PRDM12: variants seen among roughly 807,000 people sequenced by gnomAD.
PRDM12 encodes PR domain zinc finger protein 12.
A neutral mutation model predicts 29.6 loss-of-function variants in PRDM12; 17 were observed. The observed-to-expected ratio is 0.57, with a 90% CI of 0.39 to 0.86. The LOEUF is 0.86. Among genes scored for constraint, PRDM12 ranks in the 40% least tolerant of loss-of-function variants. The pLI is 0.00. For synonymous variants in PRDM12, 231 were observed against 225.8 expected, an observed-to-expected ratio of 1.02 and a Z score of -0.21; for missense variants, 422 against 510.8, an observed-to-expected ratio of 0.83 and a Z score of 1.68.
Position 130,668,345 on chromosome 9 carries a change from G to T in PRDM12, c.570+32G>T, listed in dbSNP as rs765417007. On this transcript the variant is annotated intron_variant, in intron 3 of 4. Coordinates refer to ENST00000253008, the MANE Select transcript of PRDM12 (RefSeq NM_021619.3). This position sits in a 1 kb window ranked among gnomAD's most constrained non-coding sequence, Gnocchi z 4.0. ...GTGTGTGTGTGCACTGTTGTGTAGGGACCAGCCGGTAAACCCGGCGGGGGG... is the reference window on the plus strand; with the variant it reads ...GTGTGTGTGTGCACTGTTGTGTAGGTACCAGCCGGTAAACCCGGCGGGGGG... The T allele has an allele frequency of 6.2e-7, 1 of 1,606,288 alleles. No homozygotes were observed. Among genetic ancestry groups the T allele is most frequent in the Non-Finnish European group, 8.5e-7 (1 of 1,175,128 alleles).
Position 130,664,647 on chromosome 9 carries a change from G to A in PRDM12, c.-7G>A. ...GTCCCCCGGCGCCGGGGAGCTCCGGGCCGCCCATGATGGGCTCCGTGCTCC... is the reference window on the plus strand; with the variant it reads ...GTCCCCCGGCGCCGGGGAGCTCCGGACCGCCCATGATGGGCTCCGTGCTCC... On this transcript the variant is annotated 5_prime_UTR_variant, in exon 1 of 5. Coordinates refer to ENST00000253008, the MANE Select transcript of PRDM12 (RefSeq NM_021619.3). The surrounding 1 kb of genome is among the most constrained non-coding windows in gnomAD (Gnocchi z 6.4). 6.4e-7 allele frequency: 1 copy of A among 1,564,588 alleles called. No individual in the cohort carries two copies. The highest frequency in any genetic ancestry group is 1.2e-5 in the South Asian group (1 of 86,530).
At chr9:130,675,037 G>A (rs1428705234) in intron 3 of PRDM12, among the ~76,000 whole-genome samples, 7 of 152,006 alleles carry the variant, frequency 4.6e-5, no homozygotes, top group African/African-American at 1.7e-4. Context: ...CCACCACCAC[G>A]CCTGGCTAAT....
intron 1 of PRDM12, among the ~76,000 whole-genome samples, chr9:130,666,093 C>A (rs750298177): frequency 1.2e-4 from 18 of 152,196 alleles, no homozygotes; most frequent in Non-Finnish European, 2.6e-4. Flanking sequence ...CCAACACCTG[C>A]CAGCCCGAGG....
In PRDM12 at chr9:130,680,646, T is replaced by TAC. The variant is rs1830888214; in HGVS notation, c.683-601_683-600insCA. Among the ~76,000 whole-genome samples, 13 of 81,806 alleles carry TAC rather than the reference T, an allele frequency of 1.6e-4. 1 individual carries two copies. The highest frequency in any genetic ancestry group is 3.9e-4 in the Admixed American group (3 of 7,760). The allele number at this position is 81,806 out of a possible 152,430, so 53.7% of individuals were successfully genotyped here. On this transcript the variant is annotated intron_variant, in intron 4 of 4. Coordinates refer to ENST00000253008, the MANE Select transcript of PRDM12 (RefSeq NM_021619.3). ...TCTAAAAAAAAAAAATATATATATA[T>TAC]ATATATATATATATTTTTTTTTTTT... is the stretch of plus-strand genomic sequence containing the variant.
intron 3 of PRDM12, among the ~76,000 whole-genome samples, chr9:130,672,508 A>C (rs1287574784): frequency 6.6e-6 from 1 of 152,178 alleles, no homozygotes; most frequent in African/African-American, 2.4e-5. Flanking sequence ...TAAAAAATAG[A>C]ATCTGCTCAG....
At chr9:130,673,526 A>G (rs1830807632) in intron 3 of PRDM12, among the ~76,000 whole-genome samples, 1 of 151,918 alleles carries the variant, frequency 6.6e-6, no homozygotes, top group South Asian at 2.1e-4. Context: ...TTTGGAGACA[A>G]TCTTGCTCTG....
chr9:130,666,385 C>A (rs531379279), intron 1 of PRDM12, among the ~76,000 whole-genome samples: 4 of 152,370 alleles, frequency 2.6e-5, no homozygotes, highest in Admixed American at 2.6e-4. Flanking sequence ...ACGCACCACT[C>A]GCTTTCCAGG....
Sources: allele counts gnomAD v4.1 joint callset (sites outside exome capture counted in the v4.1 genomes callset), GRCh38; gene constraint gnomAD v4.1.1; non-coding constraint Gnocchi (gnomAD v3.1); transcripts MANE v1.5; gene names NCBI Gene and HGNC (gene_info 2026-07-23, HGNC 2026-07-21).